Variants in PCDH15 observed in about 807,000 individuals in gnomAD.
The protein encoded by PCDH15 is protocadherin-15.
PCDH15 carries 129 observed loss-of-function variants against 178.5 expected under a neutral mutation model. The observed-to-expected ratio is 0.72, with a 90% confidence interval of 0.63 to 0.84. PCDH15 has a LOEUF of 0.84. PCDH15 is among the 40% of genes least tolerant of loss of function. PCDH15 has a pLI of 0.00. For missense variants in PCDH15, 2,230 were observed against 2,099.9 expected (o/e 1.06, Z -1.21); for synonymous variants, 800 against 732.0 (o/e 1.09, Z -1.50).
chr10:55,116,524 T>C (rs967188300), intron 2 of PCDH15, among the ~76,000 whole-genome samples: 8 of 152,110 alleles, frequency 5.3e-5, no homozygotes, highest in Admixed American at 3.9e-4. Flanking sequence ...TGGAGATATA[T>C]GCATCAAGTG....
chr10:53,828,956 AG>A (rs2076865979), intron 30 of PCDH15, among the ~76,000 whole-genome samples: 1 of 152,134 alleles, frequency 6.6e-6, no homozygotes, highest in Non-Finnish European at 1.5e-5. Flanking sequence ...GAATGGAGAG[AG>A]GTAGCAAGCC....
intron 2 of PCDH15, among the ~76,000 whole-genome samples, chr10:54,562,903 A>G (rs1420027071): frequency 6.6e-6 from 1 of 152,130 alleles, no homozygotes; most frequent in South Asian, 2.1e-4. Context: ...ACTTGTCTAC[A>G]TGAACTGTCT....
intron 2 of PCDH15, among the ~76,000 whole-genome samples, chr10:55,582,620 A>ATTTTTTTT (rs1350113539): frequency 1.1e-5 from 1 of 87,538 alleles, no homozygotes; most frequent in African/African-American, 6.0e-5. Context: ...ATATATATAT[A>ATTTTTTTT]TATATATATT....
chr10:54,442,355 C>T (rs1481588220), intron 3 of PCDH15, among the ~76,000 whole-genome samples: 4 of 121,312 alleles, frequency 3.3e-5, no homozygotes, highest in Non-Finnish European at 5.0e-5. Context: ...GTAGAAACTA[C>T]GTGCCACTTT....
At chr10:54,338,711 T>A (rs781364583) in intron 6 of PCDH15, among the ~76,000 whole-genome samples, 1 of 152,170 alleles carries the variant, frequency 6.6e-6, no homozygotes, top group Non-Finnish European at 1.5e-5. Context: ...TGTCTTCATT[T>A]TTTTTTTCTG....
At chr10:55,465,568 C>A (rs1378425692) in intron 2 of PCDH15, among the ~76,000 whole-genome samples, 1 of 152,066 alleles carries the variant, frequency 6.6e-6, no homozygotes, top group South Asian at 2.1e-4. Context: ...GAGATAAAAA[C>A]CACTTTTATG....
chr10:53,984,059 T>C (rs888001588), intron 21 of PCDH15, among the ~76,000 whole-genome samples: 24 of 151,860 alleles, frequency 1.6e-4, no homozygotes, highest in African/African-American at 5.6e-4. Flanking sequence ...CTTGACTCTC[T>C]AGATACAATC....
At chr10:54,040,118 A>AAAGTCATAAT (rs2093509450) in intron 18 of PCDH15, among the ~76,000 whole-genome samples, 2 of 152,066 alleles carry the variant, frequency 1.3e-5, no homozygotes, top group Non-Finnish European at 2.9e-5. Flanking sequence ...TTACTCTTAA[A>AAAGTCATAAT]AAGTCATAAT....
intron 2 of PCDH15, among the ~76,000 whole-genome samples, chr10:55,498,785 T>C (rs1312010579): frequency 6.6e-6 from 1 of 151,854 alleles, no homozygotes; most frequent in African/African-American, 2.4e-5. Context: ...CTATGCATGC[T>C]ACATAATGGC....
chr10:55,444,492 A>C (rs1839271060), intron 2 of PCDH15, among the ~76,000 whole-genome samples: 1 of 152,118 alleles, frequency 6.6e-6, no homozygotes, highest in African/African-American at 2.4e-5. Context: ...TCAGGAAGTG[A>C]ACATTCCTGA....
chr10:54,567,093 A>G (rs1345870534), intron 2 of PCDH15, among the ~76,000 whole-genome samples: 3 of 152,202 alleles, frequency 2.0e-5, no homozygotes, highest in Non-Finnish European at 4.4e-5. Context: ...CTGATGTGGG[A>G]CATCTTTTCA....
intron 2 of PCDH15, among the ~76,000 whole-genome samples, chr10:55,343,414 C>T (rs1186441059): frequency 6.6e-6 from 1 of 151,930 alleles, no homozygotes; most frequent in African/African-American, 2.4e-5. Flanking sequence ...TACTTTTCTC[C>T]ATCTGTTCTA....
At chr10:55,315,614 C>T (rs1203056613) in intron 1 of PCDH15, among the ~76,000 whole-genome samples, 2 of 152,156 alleles carry the variant, frequency 1.3e-5, no homozygotes, top group South Asian at 2.1e-4. Context: ...TACATATCTA[C>T]TCATCAACCT....
At chr10:55,168,083 A>T (rs541579393) in intron 1 of PCDH15, among the ~76,000 whole-genome samples, 1 of 152,296 alleles carries the variant, frequency 6.6e-6, no homozygotes, top group East Asian at 1.9e-4. Context: ...TATATTCAAA[A>T]TATAAAAACA....
chr10:54,820,948 G>T (rs974832284), intron 3 of PCDH15, among the ~76,000 whole-genome samples: 4 of 151,950 alleles, frequency 2.6e-5, no homozygotes, highest in African/African-American at 9.7e-5. Flanking sequence ...TATTTTAAGA[G>T]AAATAGCTAA....
At chr10:54,198,343 G>C (rs2049880879) in intron 10 of PCDH15, among the ~76,000 whole-genome samples, 1 of 151,712 alleles carries the variant, frequency 6.6e-6, no homozygotes, top group African/African-American at 2.4e-5. Flanking sequence ...GGTCCATATG[G>C]GCTTCCAACC....
Position 55,120,094 on chromosome 10 carries a change from G to A in PCDH15, c.-80+46482C>T, listed in dbSNP as rs140564539. ...AAATATCAATATTCAGATAAAAGAT[G>A]GTGGCTTAACTGAAATTGACAACAG... On this transcript the variant is annotated intron_variant, in intron 2 of 5. Coordinates refer to the PCDH15 transcript ENST00000458638. 1.7e-3 allele frequency among the ~76,000 whole-genome samples: 251 copies of A among 152,030 alleles called. 2 individuals carry two copies. Among genetic ancestry groups the A allele is most frequent in the African/African-American group, 5.7e-3 (237 of 41,488 alleles).
intron 1 of PCDH15, among the ~76,000 whole-genome samples, chr10:54,701,538 G>A (rs56999412): frequency 0.02 from 3,011 of 152,092 alleles, 90 homozygotes; most frequent in African/African-American, 0.067. Context: ...AGACCCAACT[G>A]TATGCTGTCT....
chr10:54,171,166 G>C (rs1282788244), intron 13 of PCDH15, among the ~76,000 whole-genome samples: 1 of 151,888 alleles, frequency 6.6e-6, no homozygotes, highest in Admixed American at 6.6e-5. Flanking sequence ...GATAACGGAC[G>C]AGCCTTTATT....
Sources: allele counts gnomAD v4.1 joint callset (sites outside exome capture counted in the v4.1 genomes callset), GRCh38; gene constraint gnomAD v4.1.1; transcripts MANE v1.5; gene names NCBI Gene and HGNC (gene_info 2026-07-23, HGNC 2026-07-21).